HEATR4: variants seen among roughly 807,000 people sequenced by gnomAD.
HEATR4 encodes the protein HEAT repeat containing 4, also known as HEAT repeat-containing protein 4.
Under a neutral mutation model 108.8 loss-of-function variants are expected in HEATR4, and 95 were observed. That is an observed-to-expected ratio of 0.87 (90% CI 0.74 to 1.04). The LOEUF is 1.04. Among genes scored for constraint, HEATR4 ranks in the 50% least tolerant of loss-of-function variants. The pLI, the probability that HEATR4 is intolerant of heterozygous loss-of-function variation, is 0.00. For synonymous variants in HEATR4, 443 were observed against 459.4 expected (o/e 0.96, Z 0.46); for missense variants, 1,152 against 1,253.8 (o/e 0.92, Z 1.23).
At chr14:73,560,711 C>T (rs1889519145), upstream of HEATR4, among the ~76,000 whole-genome samples, 2 of 150,974 alleles carry the variant, frequency 1.3e-5, no homozygotes, top group African/African-American at 4.9e-5. Context: ...AACATTATAA[C>T]CCTGCTAAGG....
chr14:73,516,961 C>T (rs143124983), intron 5 of HEATR4, among the ~76,000 whole-genome samples: 64 of 152,232 alleles, frequency 4.2e-4, no homozygotes, highest in Non-Finnish European at 5.7e-4. Context: ...TGAGGACTGC[C>T]GATCTAAAGG....
At chr14:73,526,140 C>T (rs898780761) in intron 2 of HEATR4, among the ~76,000 whole-genome samples, 6 of 152,036 alleles carry the variant, frequency 3.9e-5, no homozygotes, top group African/African-American at 7.2e-5. Flanking sequence ...TGTGGTGGAG[C>T]GAGAGGAGTG....
At chr14:73,542,758 T>C (rs1889135219) in intron 1 of HEATR4, among the ~76,000 whole-genome samples, 1 of 111,630 alleles carries the variant, frequency 9.0e-6, no homozygotes, top group Non-Finnish European at 1.9e-5. Context: ...ACAGTGGGAA[T>C]GGGTGGCTCA....
intron 1 of HEATR4, among the ~76,000 whole-genome samples, chr14:73,545,758 T>C (rs560455448): frequency 9.4e-6 from 1 of 105,986 alleles, no homozygotes; most frequent in African/African-American, 3.1e-5. Flanking sequence ...AGATGCTAGA[T>C]CCCAAACTTG....
At chr14:73,517,978 C>T (rs888472770) in intron 5 of HEATR4, among the ~76,000 whole-genome samples, 22 of 151,982 alleles carry the variant, frequency 1.4e-4, no homozygotes, top group South Asian at 2.1e-4. Flanking sequence ...CCCAGCTACT[C>T]GTGAGGCAGA....
chr14:73,589,325 T>C, the HEATR4 span, among the ~76,000 whole-genome samples: 1 of 152,194 alleles, frequency 6.6e-6, no homozygotes, highest in Non-Finnish European at 1.5e-5. Context: ...TCTTTTCTTT[T>C]TCCCTTTCCT....
chr14:73,524,310 A>AAAAAAAAAAATATATATATATAT, intron 2 of HEATR4, among the ~76,000 whole-genome samples: 5 of 54,776 alleles, frequency 9.1e-5, no homozygotes, highest in Admixed American at 2.8e-4. Flanking sequence ...AAAAAAAAAA[A>AAAAAAAAAAATATATATATATAT]ATATATATAT....
the HEATR4 span, among the ~76,000 whole-genome samples, chr14:73,591,019 G>T: frequency 1.3e-5 from 2 of 152,246 alleles, no homozygotes; most frequent in East Asian, 3.9e-4. Context: ...GAGGCAGGAG[G>T]ATAGTTTGTG....
chr14:73,602,574 C>T, the HEATR4 span, among the ~76,000 whole-genome samples: 1 of 152,164 alleles, frequency 6.6e-6, no homozygotes, highest in South Asian at 2.1e-4. Context: ...CAAGTTGCCT[C>T]CTGACTCCTT....
rs751326788 is a variant in HEATR4, at chr14:73,522,495, T to C, written c.658A>G (p.Ser220Gly). The part of the protein sequence containing the change: ...LNERTARWIQ[S>G]KRPRRPGASP... ...GCCCCAGGCCTTCGAGGACGCTTGC[T>C]CTGGATCCATCGGGCTGTGCGCTCG... The change falls in exon 3 of 18, where the codon AGC (serine) becomes GGC (glycine). Residue 220 changes from serine (S) to glycine (G), a missense_variant. By Grantham distance (56) the Ser-to-Gly change is moderately conservative. Coordinates refer to ENST00000553558, the MANE Select transcript of HEATR4 (RefSeq NM_001220484.1). 6.2e-7 allele frequency: 1 copy of C among 1,614,218 alleles called. No homozygotes were observed. The highest frequency in any genetic ancestry group is 8.5e-7 in the Non-Finnish European group (1 of 1,180,032).
intron 10 of HEATR4, among the ~76,000 whole-genome samples, chr14:73,504,939 G>T (rs1040042870): frequency 2.1e-4 from 31 of 145,902 alleles, no homozygotes; most frequent in East Asian, 2.0e-3. Flanking sequence ...CAGTTGGTTT[G>T]TTTTTTTTTT....
Position 73,520,872 on chromosome 14 carries a change from A to T in HEATR4, c.1049T>A (p.Phe350Tyr). 6.2e-7 allele frequency: 1 copy of T among 1,613,954 alleles called. No individual in the cohort carries two copies. Among genetic ancestry groups the T allele is most frequent in the Non-Finnish European group, 8.5e-7 (1 of 1,179,982 alleles). Reference protein sequence around the residue: ...GKFAYSTDNTFEQEIYFDEVQ... With the variant: ...GKFAYSTDNTYEQEIYFDEVQ... ...ATTACCAAAGTAAATCTCCTGTTCA[A>T]AGGTGTTGTCTGTGGAGTAGGCAAA... is the stretch of plus-strand genomic sequence containing the variant. The change falls in exon 4 of 18, where the codon TTT becomes TAT. Residue 350 changes from phenylalanine (F) to tyrosine (Y), a missense_variant. Transcript: ENST00000553558.
chr14:73,507,719 A>C (rs1372541084), intron 9 of HEATR4, among the ~76,000 whole-genome samples: 2 of 151,934 alleles, frequency 1.3e-5, no homozygotes, highest in African/African-American at 2.4e-5. Context: ...TACAGGCGTG[A>C]GCGACCATGC....
At chr14:73,529,920 G>A (rs1186710950) in intron 2 of HEATR4, among the ~76,000 whole-genome samples, 5 of 148,240 alleles carry the variant, frequency 3.4e-5, no homozygotes, top group Non-Finnish European at 7.4e-5. Flanking sequence ...GTCCAAGAGT[G>A]TGCAGTCAGC....
the HEATR4 span, chr14:73,573,483 G>T: frequency 6.2e-7 from 1 of 1,613,748 alleles, no homozygotes; most frequent in Non-Finnish European, 8.5e-7. Context: ...GGGTTTTGCT[G>T]TGATGGCTCT....
At chr14:73,484,126 G>C (rs1885353014) in intron 17 of HEATR4, among the ~76,000 whole-genome samples, 1 of 151,914 alleles carries the variant, frequency 6.6e-6, no homozygotes, top group Non-Finnish European at 1.5e-5. Flanking sequence ...CAAAGTGCTG[G>C]GATTGCAGGC....
intron 17 of HEATR4, among the ~76,000 whole-genome samples, chr14:73,481,370 G>C (rs2333142): frequency 0.65 from 98,855 of 151,982 alleles, 34,469 homozygotes; most frequent in African/African-American, 0.88. Context: ...ACCCGGGAGT[G>C]AGATATTGCA....
At position 73,548,025 on chromosome 14, in the gene HEATR4, C is replaced by T. The variant is rs576882514; in HGVS notation, c.-152+10726G>A. On this transcript the variant is annotated intron_variant, in intron 1 of 17. Coordinates refer to ENST00000553558, the MANE Select transcript of HEATR4 (RefSeq NM_001220484.1). The stretch of plus-strand genomic sequence containing the variant: ...CATTGTAGCCTCAAACTCCTGGGGG[C>T]CCAACCCATCCTCCCACTTCAGCCT... Among the ~76,000 whole-genome samples, 125 of 115,004 alleles carry T rather than the reference C, an allele frequency of 1.1e-3. 45 individuals carry two copies. Among genetic ancestry groups the T allele is most frequent in the Non-Finnish European group, 5.7e-4 (30 of 52,702 alleles). The allele number at this position is 115,004 out of a possible 152,430, so 75.4% of individuals were successfully genotyped here.
chr14:73,491,641 G>A (rs866520678), intron 17 of HEATR4: 1 of 1,549,880 alleles, frequency 6.5e-7, no homozygotes, highest in Non-Finnish European at 8.7e-7. Context: ...TCTTTGAGTG[G>A]CTCATCGCGC....
Sources: gnomAD v4.1 joint callset for allele counts (sites outside exome capture counted in the v4.1 genomes callset) on GRCh38, gnomAD v4.1.1 for gene constraint, MANE v1.5 for transcripts, NCBI Gene and HGNC (gene_info 2026-07-23, HGNC 2026-07-21) for gene names.